RARB: variants seen among roughly 807,000 people sequenced by gnomAD.
The protein encoded by RARB is retinoic acid receptor beta.
Under a neutral mutation model 51.9 loss-of-function variants are expected in RARB, and 17 were observed. The ratio of observed to expected loss-of-function variants is 0.33; its 90% confidence interval spans 0.22 to 0.49. The LOEUF is 0.49. Ranked by LOEUF, RARB falls within the 20% of genes least tolerant of loss-of-function variation. RARB has a pLI of 0.99. For missense variants in RARB, 369 were observed against 550.8 expected, an observed-to-expected ratio of 0.67 and a Z score of 3.30; for synonymous variants, 215 against 195.4, an observed-to-expected ratio of 1.10 and a Z score of -0.84.
intron 3 of RARB, among the ~76,000 whole-genome samples, chr3:25,089,828 T>A (rs939220485): frequency 1.3e-5 from 2 of 152,134 alleles, no homozygotes; most frequent in Non-Finnish European, 2.9e-5. Context: ...ATAGTGCTTT[T>A]CATAGATTCT....
chr3:25,287,344 A>G (rs1559344829), intron 5 of RARB, among the ~76,000 whole-genome samples: 2 of 152,106 alleles, frequency 1.3e-5, no homozygotes, highest in Non-Finnish European at 2.9e-5. Flanking sequence ...ATGTTTCCAT[A>G]TACAAGGGAG....
intron 5 of RARB, among the ~76,000 whole-genome samples, chr3:25,409,115 C>G (rs1296953663): frequency 6.6e-6 from 1 of 152,208 alleles, no homozygotes; most frequent in Non-Finnish European, 1.5e-5. Flanking sequence ...CAGCAAGTAC[C>G]AATGACCTGG....
intron 5 of RARB, among the ~76,000 whole-genome samples, chr3:25,407,883 C>T (rs1575378970): frequency 6.6e-6 from 1 of 152,168 alleles, no homozygotes; most frequent in African/African-American, 2.4e-5. Context: ...CTCAAGCTCT[C>T]TTGCCCTTTT....
intron 2 of RARB, among the ~76,000 whole-genome samples, chr3:24,941,634 G>A (rs1347028343): frequency 6.6e-6 from 1 of 152,154 alleles, no homozygotes; most frequent in Non-Finnish European, 1.5e-5. Flanking sequence ...TCCCAAAGTT[G>A]CTGGGATTAC....
intron 4 of RARB, among the ~76,000 whole-genome samples, chr3:25,133,418 C>T (rs1699983203): frequency 6.6e-6 from 1 of 151,852 alleles, no homozygotes; most frequent in Admixed American, 6.6e-5. Flanking sequence ...TGGTTGTGCA[C>T]TTAGGCAGTG....
At position 25,430,215 on chromosome 3, in the gene RARB, C is replaced by T. The variant is rs34720160; in HGVS notation, c.157+1327C>T. 4.2e-3 allele frequency among the ~76,000 whole-genome samples: 645 copies of T among 152,284 alleles called. 3 individuals are homozygous for T. The highest frequency in any genetic ancestry group is 5.6e-3 in the Non-Finnish European group (379 of 68,036). ...CAAAAAGAATATCGTTTTCAGAAGGCGCCTTAATCTTCAGCTGCTCCCCAA... is the reference window on the plus strand; with the variant it reads ...CAAAAAGAATATCGTTTTCAGAAGGTGCCTTAATCTTCAGCTGCTCCCCAA... On this transcript the variant is annotated intron_variant, in intron 1 of 7. Coordinates refer to ENST00000330688, the MANE Select transcript of RARB (RefSeq NM_000965.5).
At chr3:24,856,384 G>A (rs191137094) in intron 1 of RARB, among the ~76,000 whole-genome samples, 56 of 152,272 alleles carry the variant, frequency 3.7e-4, no homozygotes, top group Middle Eastern at 3.4e-3. Flanking sequence ...CTGACCCACT[G>A]CATGATAAAA....
chr3:25,010,095 CT>C (rs2125279355), intron 2 of RARB, among the ~76,000 whole-genome samples: 1 of 151,910 alleles, frequency 6.6e-6, no homozygotes, highest in Non-Finnish European at 1.5e-5. Context: ...GTAACTTACC[CT>C]TTTCTTTTTC....
intron 3 of RARB, among the ~76,000 whole-genome samples, chr3:25,065,118 C>T (rs1338399035): frequency 7.8e-6 from 1 of 128,906 alleles, no homozygotes; most frequent in Non-Finnish European, 1.6e-5. Context: ...GACTCTAGAA[C>T]TTCATTTTTT....
chr3:25,430,735 G>C (rs1211980247), intron 1 of RARB, among the ~76,000 whole-genome samples: 1 of 152,136 alleles, frequency 6.6e-6, no homozygotes, highest in East Asian at 1.9e-4. Flanking sequence ...ACTTGCATTA[G>C]ACAAAGTAAA....
intron 2 of RARB, among the ~76,000 whole-genome samples, chr3:25,494,946 C>T (rs1246888649): frequency 6.6e-6 from 1 of 152,194 alleles, no homozygotes; most frequent in Non-Finnish European, 1.5e-5. Context: ...CATGCATTCC[C>T]TCTTTGGATA....
At chr3:25,188,420 C>A (rs1158843963) in intron 5 of RARB, among the ~76,000 whole-genome samples, 1 of 152,220 alleles carries the variant, frequency 6.6e-6, no homozygotes, top group Non-Finnish European at 1.5e-5. Context: ...AATATCCTAG[C>A]TAAATCAAGA....
intron 2 of RARB, among the ~76,000 whole-genome samples, chr3:25,015,096 G>C (rs1042140634): frequency 4.6e-5 from 7 of 152,148 alleles, no homozygotes; most frequent in African/African-American, 1.7e-4. Flanking sequence ...ATCTGGCTTT[G>C]AGTGTCTGTG....
At chr3:25,089,941 G>C (rs185586643) in intron 3 of RARB, among the ~76,000 whole-genome samples, 1 of 152,130 alleles carries the variant, frequency 6.6e-6, no homozygotes. Flanking sequence ...AAAAATCAAT[G>C]GGCCTTGGAG....
At chr3:25,119,676 CA>C (rs1004935598) in intron 3 of RARB, among the ~76,000 whole-genome samples, 3 of 150,538 alleles carry the variant, frequency 2.0e-5, no homozygotes, top group Admixed American at 6.6e-5. Context: ...AAAACAACAA[CA>C]AAAAAAACAC....
At chr3:24,904,684 A>G (rs1247517860) in intron 2 of RARB, among the ~76,000 whole-genome samples, 5 of 152,212 alleles carry the variant, frequency 3.3e-5, no homozygotes, top group Non-Finnish European at 5.9e-5. Flanking sequence ...AGGATTAGAA[A>G]TCATTCTACT....
chr3:24,983,633 T>G (rs934732824), intron 2 of RARB, among the ~76,000 whole-genome samples: 1 of 152,140 alleles, frequency 6.6e-6, no homozygotes, highest in Non-Finnish European at 1.5e-5. Context: ...AACCTTTATC[T>G]TACTACTAGA....
chr3:25,163,504 AATAT>A (rs138389529), intron 4 of RARB, among the ~76,000 whole-genome samples: 15,365 of 130,068 alleles, frequency 0.12, 1,189 homozygotes, highest in African/African-American at 0.19. Context: ...CCTATCTCAA[AATAT>A]ATATATATAT....
Position 25,428,421 on chromosome 3 carries a change from T to C in RARB, c.-311T>C, listed in dbSNP as rs1708066042. 7.8e-7 allele frequency: 1 copy of C among 1,276,802 alleles called. No individual in the cohort carries two copies. Among genetic ancestry groups the C allele is most frequent in the Non-Finnish European group, 9.9e-7 (1 of 1,013,880 alleles). 79.1% of individuals were successfully genotyped at this position (1,276,802 alleles called of 1,614,324 possible). On this transcript the variant is annotated 5_prime_UTR_variant, in exon 1 of 8. Transcript: ENST00000330688. Reference sequence around the variant, plus strand: ...TTGTCTGGGCACCGTCGGGGTAGGATCCGGAACGCATTCGGAAGGCTTTTT... The same window carrying C: ...TTGTCTGGGCACCGTCGGGGTAGGACCCGGAACGCATTCGGAAGGCTTTTT...
Sources: gnomAD v4.1 joint callset for allele counts (sites outside exome capture counted in the v4.1 genomes callset) on GRCh38, gnomAD v4.1.1 for gene constraint, MANE v1.5 for transcripts, NCBI Gene and HGNC (gene_info 2026-07-23, HGNC 2026-07-21) for gene names.